LRRC20: variants seen among roughly 807,000 people sequenced by gnomAD.
LRRC20 encodes the protein leucine rich repeat containing 20, also known as leucine-rich repeat-containing protein 20.
In LRRC20, 11 loss-of-function variants were observed where a neutral mutation model predicts 14.4. The ratio of observed to expected loss-of-function variants is 0.77; its 90% CI spans 0.48 to 1.27. The LOEUF is 1.27. LRRC20 is among the 50% of genes most tolerant of loss of function. The pLI, the probability that LRRC20 is intolerant of heterozygous loss-of-function variation, is 0.00. For synonymous variants in LRRC20, 121 were observed against 107.3 expected (o/e 1.13, Z -0.79); for missense variants, 219 against 251.2 (o/e 0.87, Z 0.87).
At chr10:70,337,898 G>A (rs575782790) in intron 3 of LRRC20, among the ~76,000 whole-genome samples, 1 of 152,316 alleles carries the variant, frequency 6.6e-6, no homozygotes, top group South Asian at 2.1e-4. Context: ...AAAAGCACAA[G>A]TGAACTCTCC....
chr10:70,353,199 C>T (rs1283069441), intron 2 of LRRC20, among the ~76,000 whole-genome samples: 2 of 152,178 alleles, frequency 1.3e-5, no homozygotes, highest in East Asian at 3.8e-4. Context: ...TAGGTCACTA[C>T]TATGCTTACC....
At chr10:70,361,659 T>C (rs5021129) in intron 2 of LRRC20, among the ~76,000 whole-genome samples, 107,428 of 151,894 alleles carry the variant, frequency 0.71, 38,126 homozygotes, top group Non-Finnish European at 0.72. Context: ...TCACAGCAAG[T>C]GCACAACTTG....
chr10:70,300,772 C>G lies in LRRC20; in HGVS notation c.*582G>C. 1 of 985,714 alleles carries G rather than the reference C, an allele frequency of 1.0e-6. No individual in the cohort carries two copies. 61.1% of individuals were successfully genotyped at this position (985,714 alleles called of 1,614,324 possible). A position where few individuals can be genotyped will look rare whatever the true frequency, so the allele number is the denominator to read the frequency against. The stretch of plus-strand genomic sequence containing the variant: ...GCCAGCCCATATTCCCACCACAGCT[C>G]TCCCAGGACTCCTAGTTCAGGTTCC... On this transcript the variant is annotated 3_prime_UTR_variant, in exon 5 of 5. Coordinates refer to ENST00000446961, the MANE Select transcript of LRRC20 (RefSeq NM_001278212.2).
chr10:70,366,291 C>T (rs1297002926), intron 2 of LRRC20, among the ~76,000 whole-genome samples: 2 of 151,904 alleles, frequency 1.3e-5, no homozygotes, highest in South Asian at 4.2e-4. Context: ...GGCATGGTGG[C>T]AGGCGCCTGT....
chr10:70,310,763 A>T (rs1841622392), intron 4 of LRRC20, among the ~76,000 whole-genome samples: 1 of 152,136 alleles, frequency 6.6e-6, no homozygotes, highest in Admixed American at 6.5e-5. Flanking sequence ...CTACAGCTAC[A>T]CTCAAGAGTT....
At chr10:70,340,829 A>T in intron 2 of LRRC20, 127 bp from the exon 3 acceptor site, 1 of 971,940 alleles carries the variant, frequency 1.0e-6, no homozygotes. Flanking sequence ...CTGTCTCCCC[A>T]GGACCAGGCT....
intron 2 of LRRC20, among the ~76,000 whole-genome samples, chr10:70,354,641 G>A (rs1239070002): frequency 6.6e-6 from 1 of 152,190 alleles, no homozygotes; most frequent in Non-Finnish European, 1.5e-5. Flanking sequence ...GATGATAATG[G>A]GGTGGTAATG....
At chr10:70,378,906 A>G (rs1461452443) in intron 1 of LRRC20, among the ~76,000 whole-genome samples, 2 of 152,094 alleles carry the variant, frequency 1.3e-5, no homozygotes, top group African/African-American at 4.8e-5. Context: ...AGATCGTCCC[A>G]TTGCACTCCA....
At chr10:70,345,555 C>T (rs1320721834) in intron 2 of LRRC20, among the ~76,000 whole-genome samples, 2 of 151,894 alleles carry the variant, frequency 1.3e-5, no homozygotes, top group Non-Finnish European at 2.9e-5. Context: ...ACAGAGTCAT[C>T]TTTATTACTG....
intron 2 of LRRC20, among the ~76,000 whole-genome samples, chr10:70,368,906 A>G (rs978593100): frequency 6.6e-6 from 1 of 152,194 alleles, no homozygotes; most frequent in African/African-American, 2.4e-5. Flanking sequence ...TACAGGTGTG[A>G]GCTACCGTGC....
intron 3 of LRRC20, among the ~76,000 whole-genome samples, chr10:70,324,357 AACTCCGGGCCCTG>A: frequency 6.6e-6 from 1 of 152,190 alleles, no homozygotes; most frequent in Non-Finnish European, 1.5e-5. Flanking sequence ...ACAAAGCCTC[AACTCCGGGCCCTG>A]ACGGGGCAGG....
chr10:70,345,411 A>G (rs1843040577), intron 2 of LRRC20, among the ~76,000 whole-genome samples: 1 of 152,184 alleles, frequency 6.6e-6, no homozygotes, highest in Admixed American at 6.6e-5. Flanking sequence ...AGTGAGGATG[A>G]CTTCCCAAAT....
At chr10:70,362,755 T>C (rs1210727522) in intron 2 of LRRC20, among the ~76,000 whole-genome samples, 4 of 152,180 alleles carry the variant, frequency 2.6e-5, no homozygotes, top group African/African-American at 9.7e-5. Flanking sequence ...CCAGGGGACA[T>C]TTGGAAATGT....
intron 2 of LRRC20, among the ~76,000 whole-genome samples, chr10:70,367,054 G>A (rs939467688): frequency 2.0e-5 from 3 of 152,212 alleles, no homozygotes; most frequent in Admixed American, 1.3e-4. Context: ...ACCAGATGCC[G>A]TGGTTTGTGC....
chr10:70,363,259 G>A (rs548169662), intron 2 of LRRC20, among the ~76,000 whole-genome samples: 43 of 151,496 alleles, frequency 2.8e-4, no homozygotes, highest in Middle Eastern at 3.4e-3. Flanking sequence ...GTGGAGGGGA[G>A]GGAAGGGGAG....
chr10:70,310,466 C>T (rs1034101080), intron 4 of LRRC20, among the ~76,000 whole-genome samples: 19 of 152,192 alleles, frequency 1.2e-4, no homozygotes, highest in African/African-American at 4.6e-4. Flanking sequence ...TCCTCAAATC[C>T]CAGCTCAAGG....
intron 2 of LRRC20, among the ~76,000 whole-genome samples, chr10:70,351,236 C>A (rs1168427695): frequency 6.6e-6 from 1 of 152,076 alleles, no homozygotes; most frequent in Non-Finnish European, 1.5e-5. Flanking sequence ...TTTCATCCTC[C>A]CCCAGATATT....
intron 4 of LRRC20, among the ~76,000 whole-genome samples, chr10:70,307,259 C>A (rs916320753): frequency 6.6e-6 from 1 of 152,244 alleles, no homozygotes; most frequent in South Asian, 2.1e-4. Context: ...GTGCACCCAC[C>A]ACACTGTACC....
intron 4 of LRRC20, among the ~76,000 whole-genome samples, chr10:70,323,104 T>A (rs978039606): frequency 1.3e-5 from 2 of 151,916 alleles, no homozygotes; most frequent in Non-Finnish European, 2.9e-5. Flanking sequence ...TCAGAGGCCA[T>A]GTGAGAGAGG....
Sources: gnomAD v4.1 joint callset for allele counts (sites outside exome capture counted in the v4.1 genomes callset) on GRCh38, gnomAD v4.1.1 for gene constraint, MANE v1.5 for transcripts, NCBI Gene and HGNC (gene_info 2026-07-23, HGNC 2026-07-21) for gene names.